Variants in EPB41L4B observed in about 807,000 individuals in gnomAD.
EPB41L4B encodes erythrocyte membrane protein band 4.1 like 4B.
EPB41L4B carries 30 observed loss-of-function variants against 112.5 expected under a neutral mutation model. The ratio of observed to expected loss-of-function variants is 0.27; its 90% confidence interval spans 0.20 to 0.36. The LOEUF (loss-of-function observed/expected upper bound fraction) is 0.36. EPB41L4B is among the 10% of genes least tolerant of loss of function. The pLI is 1.00. For missense variants in EPB41L4B, 1,024 were observed against 1,133.3 expected, an observed-to-expected ratio of 0.90 and a Z score of 1.38; for synonymous variants, 408 against 439.7, an observed-to-expected ratio of 0.93 and a Z score of 0.90.
chr9:109,199,654 A>G (rs878937304), intron 20 of EPB41L4B, among the ~76,000 whole-genome samples: 2 of 152,186 alleles, frequency 1.3e-5, no homozygotes, highest in African/African-American at 4.8e-5. Context: ...GCGACAGAGC[A>G]AGACTTTGTC....
At chr9:109,209,792 G>A (rs1833101435) in intron 17 of EPB41L4B, among the ~76,000 whole-genome samples, 1 of 152,130 alleles carries the variant, frequency 6.6e-6, no homozygotes, top group African/African-American at 2.4e-5. Flanking sequence ...CTCATTTCAA[G>A]ATAACTACTA....
At chr9:109,241,431 AAT>A (rs1467837760) in intron 15 of EPB41L4B, 1 of 1,285,900 alleles carries the variant, frequency 7.8e-7, no homozygotes, top group Admixed American at 3.7e-5. Flanking sequence ...TCAGAACATC[AAT>A]ATGATTCCTG....
chr9:109,235,375 A>C (rs1834102148), intron 15 of EPB41L4B, among the ~76,000 whole-genome samples: 1 of 125,226 alleles, frequency 8.0e-6, no homozygotes. Context: ...TAGAAATACC[A>C]TTTCTTCAGC....
chr9:109,287,538 A>G (rs1836337772), intron 1 of EPB41L4B, among the ~76,000 whole-genome samples: 1 of 152,226 alleles, frequency 6.6e-6, no homozygotes, highest in African/African-American at 2.4e-5. Context: ...GTGAATTGCA[A>G]AAGCACGGTG....
intron 1 of EPB41L4B, among the ~76,000 whole-genome samples, chr9:109,291,665 GAAGT>G (rs1836537740): frequency 6.6e-6 from 1 of 152,140 alleles, no homozygotes; most frequent in African/African-American, 2.4e-5. Flanking sequence ...GATCAACAAG[GAAGT>G]AAGAACAATC....
chr9:109,214,264 T>G (rs1833286639), intron 16 of EPB41L4B, among the ~76,000 whole-genome samples: 1 of 152,234 alleles, frequency 6.6e-6, no homozygotes, highest in South Asian at 2.1e-4. Context: ...CCATTGATTT[T>G]TATTTCTGTG....
intron 1 of EPB41L4B, among the ~76,000 whole-genome samples, chr9:109,287,666 T>C (rs1006817615): frequency 6.6e-6 from 1 of 152,134 alleles, no homozygotes; most frequent in Non-Finnish European, 1.5e-5. Context: ...ACAGGGTCTT[T>C]ACTGTTACCC....
At chr9:109,278,651 C>T (rs1835924851) in intron 2 of EPB41L4B, among the ~76,000 whole-genome samples, 1 of 152,142 alleles carries the variant, frequency 6.6e-6, no homozygotes, top group East Asian at 1.9e-4. Context: ...AATACACTGT[C>T]TAAAATAGTG....
chr9:109,204,093 A>C (rs1832918809), intron 18 of EPB41L4B, among the ~76,000 whole-genome samples: 1 of 152,238 alleles, frequency 6.6e-6, no homozygotes, highest in Admixed American at 6.5e-5. Context: ...AATCAGCTCT[A>C]TGTTCACATA....
At chr9:109,190,541 C>T (rs1832424657) in intron 22 of EPB41L4B, among the ~76,000 whole-genome samples, 1 of 152,210 alleles carries the variant, frequency 6.6e-6, no homozygotes, top group Non-Finnish European at 1.5e-5. Flanking sequence ...GAGGACCAAA[C>T]CTGGGCTGAC....
chr9:109,249,528 G>C (rs993702714), intron 13 of EPB41L4B, among the ~76,000 whole-genome samples: 4 of 104,192 alleles, frequency 3.8e-5, no homozygotes, highest in South Asian at 3.4e-4. Context: ...TTTTTAGTTT[G>C]TTTTGGTTCC....
At chr9:109,197,141 G>A (rs1293036226) in intron 20 of EPB41L4B, among the ~76,000 whole-genome samples, 2 of 152,174 alleles carry the variant, frequency 1.3e-5, no homozygotes, top group African/African-American at 4.8e-5. Flanking sequence ...GATGGGCAAA[G>A]GCCAGGTGTG....
At chr9:109,183,643 T>C (rs1305139390) in intron 23 of EPB41L4B, among the ~76,000 whole-genome samples, 5 of 152,242 alleles carry the variant, frequency 3.3e-5, no homozygotes, top group African/African-American at 4.8e-5. Context: ...CAGATGACTC[T>C]GACACCAGCT....
At chr9:109,250,800 T>G (rs538133098) in intron 13 of EPB41L4B, among the ~76,000 whole-genome samples, 119 of 152,314 alleles carry the variant, frequency 7.8e-4, no homozygotes, top group African/African-American at 2.7e-3. Context: ...CTGCAAAAAC[T>G]ATACCCCTTG....
intron 15 of EPB41L4B, among the ~76,000 whole-genome samples, chr9:109,233,824 G>A (rs1466661914): frequency 1.3e-5 from 2 of 152,020 alleles, no homozygotes; most frequent in African/African-American, 2.4e-5. Context: ...GAGCCACCAC[G>A]CTTAGCCTGG....
chr9:109,283,311 G>C (rs76051471), intron 1 of EPB41L4B, among the ~76,000 whole-genome samples: 11 of 152,308 alleles, frequency 7.2e-5, no homozygotes, highest in African/African-American at 2.4e-4. Context: ...TCTTTGTGCA[G>C]CTGTATTTGT....
In EPB41L4B at chr9:109,194,227, C is replaced by G. The variant is rs1250409804; in HGVS notation, c.2216G>C (p.Gly739Ala). Reference sequence around the variant, plus strand: ...CTTTCCACCCCCCAATACCTTGGCCCCAGGGGACAGCAGGCCTTTGCCTTC... The same window carrying G: ...CTTTCCACCCCCCAATACCTTGGCCGCAGGGGACAGCAGGCCTTTGCCTTC... ...KSEGKGLLSP[G>A]AKSPSDRGGA... Residue 739 changes from glycine to alanine, a missense_variant, in exon 21 of 26, where the codon GGG (glycine) becomes GCG (alanine). Gly to Ala is a moderately conservative substitution (Grantham distance 60). Transcript: ENST00000374566. 1.2e-6 allele frequency: 2 copies of G among 1,614,076 alleles called. No individual in the cohort carries two copies. The highest frequency in any genetic ancestry group is 1.7e-6 in the Non-Finnish European group (2 of 1,179,962).
At chr9:109,209,752 A>G (rs1833100086) in intron 17 of EPB41L4B, among the ~76,000 whole-genome samples, 1 of 152,178 alleles carries the variant, frequency 6.6e-6, no homozygotes, top group South Asian at 2.1e-4. Flanking sequence ...TTTCATACGC[A>G]TGTCTCACCA....
At chr9:109,302,664 A>G (rs1463776564) in intron 1 of EPB41L4B, among the ~76,000 whole-genome samples, 1 of 152,006 alleles carries the variant, frequency 6.6e-6, no homozygotes. Context: ...GACTAAGAAC[A>G]CACCCGAAGA....
Sources: gnomAD v4.1 joint callset for allele counts (sites outside exome capture counted in the v4.1 genomes callset) on GRCh38, gnomAD v4.1.1 for gene constraint, MANE v1.5 for transcripts, NCBI Gene and HGNC (gene_info 2026-07-23, HGNC 2026-07-21) for gene names.